The following MAGI2 variants were observed in gnomAD, a reference collection of about 807,000 sequenced individuals.
The protein encoded by MAGI2 is membrane associated guanylate kinase, WW and PDZ domain containing 2.
MAGI2 carries 35 observed loss-of-function variants against 133.3 expected under a neutral mutation model. That is an observed-to-expected ratio of 0.26 (90% CI 0.20 to 0.35). The LOEUF (loss-of-function observed/expected upper bound fraction) is 0.35, where lower values mean the gene tolerates loss of function less well. Among genes scored for constraint, MAGI2 ranks in the 10% least tolerant of loss-of-function variants. The pLI, the probability that MAGI2 is intolerant of heterozygous loss-of-function variation, is 1.00. For synonymous variants in MAGI2, 729 were observed against 710.6 expected (o/e 1.03, Z -0.41); for missense variants, 1,636 against 1,863.4 (o/e 0.88, Z 2.25).
chr7:78,089,305 T>G (rs740029), intron 20 of MAGI2, among the ~76,000 whole-genome samples: 111,318 of 152,116 alleles, frequency 0.73, 40,750 homozygotes, highest in East Asian at 0.78. Flanking sequence ...AAGGCAAGAG[T>G]GTTTGGGTGA....
chr7:78,853,306 G>T (rs996478353), intron 2 of MAGI2, among the ~76,000 whole-genome samples: 1 of 121,568 alleles, frequency 8.2e-6, no homozygotes, highest in Non-Finnish European at 1.6e-5. Context: ...TAAGAATAAC[G>T]CTCATATTAC....
At chr7:78,852,352 A>T (rs1001288188) in intron 2 of MAGI2, among the ~76,000 whole-genome samples, 1 of 151,982 alleles carries the variant, frequency 6.6e-6, no homozygotes. Context: ...CAGTTTTCTC[A>T]TGATTTTTTT....
intron 1 of MAGI2, among the ~76,000 whole-genome samples, chr7:79,437,318 C>A (rs1268212012): frequency 6.6e-6 from 1 of 151,914 alleles, no homozygotes; most frequent in South Asian, 2.1e-4. Context: ...TGTAACAAAC[C>A]TGTAGCAGAA....
chr7:78,209,325 G>T (rs10264610), intron 10 of MAGI2, among the ~76,000 whole-genome samples: 20,089 of 135,564 alleles, frequency 0.15, 2,313 homozygotes, highest in African/African-American at 0.3. Context: ...GCAGTGGCGC[G>T]ATCTCGGCTC....
chr7:79,212,640 C>A (rs986310894), intron 1 of MAGI2, among the ~76,000 whole-genome samples: 1 of 152,090 alleles, frequency 6.6e-6, no homozygotes, highest in African/African-American at 2.4e-5. Context: ...TCTCTTCTTA[C>A]AGGGCCACCT....
At chr7:78,344,610 T>C (rs964764166) in intron 8 of MAGI2, among the ~76,000 whole-genome samples, 2 of 152,174 alleles carry the variant, frequency 1.3e-5, no homozygotes, top group African/African-American at 2.4e-5. Flanking sequence ...ACTATAAAGA[T>C]AACCAGATAA....
chr7:78,582,980 C>T (rs1165908087), intron 3 of MAGI2, among the ~76,000 whole-genome samples: 1 of 152,174 alleles, frequency 6.6e-6, no homozygotes, highest in Non-Finnish European at 1.5e-5. Flanking sequence ...AAATTAGTTG[C>T]TGCTTACCTT....
At chr7:79,266,184 T>C (rs1834442015) in intron 1 of MAGI2, among the ~76,000 whole-genome samples, 1 of 151,748 alleles carries the variant, frequency 6.6e-6, no homozygotes, top group South Asian at 2.1e-4. Context: ...CCCCATATGG[T>C]GCACAGTGGA....
intron 7 of MAGI2, among the ~76,000 whole-genome samples, chr7:78,362,345 T>C (rs1354413657): frequency 6.6e-6 from 1 of 152,082 alleles, no homozygotes; most frequent in African/African-American, 2.4e-5. Context: ...GACTCTGTCA[T>C]GCAAAGTAAA....
chr7:79,047,552 C>T (rs1812294762), intron 1 of MAGI2, among the ~76,000 whole-genome samples: 1 of 151,934 alleles, frequency 6.6e-6, no homozygotes. Context: ...TAACATACAA[C>T]ATTCTTTTAT....
intron 6 of MAGI2, among the ~76,000 whole-genome samples, chr7:78,456,142 A>G (rs1246280767): frequency 6.6e-6 from 1 of 151,714 alleles, no homozygotes; most frequent in African/African-American, 2.4e-5. Flanking sequence ...ACAAGCCAGG[A>G]GTCATAGTTC....
intron 2 of MAGI2, among the ~76,000 whole-genome samples, chr7:78,970,950 G>T (rs768600037): frequency 2.0e-5 from 3 of 152,006 alleles, no homozygotes; most frequent in Non-Finnish European, 2.9e-5. Flanking sequence ...TTCCATCAGC[G>T]CAGGGAAGCC....
At chr7:78,572,678 T>C (rs1377840956) in intron 3 of MAGI2, among the ~76,000 whole-genome samples, 5 of 150,712 alleles carry the variant, frequency 3.3e-5, no homozygotes, top group Non-Finnish European at 7.4e-5. Flanking sequence ...TTATTTATTT[T>C]TGAGACAGAG....
chr7:79,176,162 G>T (rs541300058), intron 1 of MAGI2, among the ~76,000 whole-genome samples: 1 of 151,974 alleles, frequency 6.6e-6, no homozygotes, highest in South Asian at 2.1e-4. Context: ...TATTGCATAT[G>T]CATGTGGTGG....
chr7:78,990,092 T>C (rs1805618070), intron 2 of MAGI2, among the ~76,000 whole-genome samples: 1 of 152,056 alleles, frequency 6.6e-6, no homozygotes, highest in Admixed American at 6.6e-5. Flanking sequence ...AACATTTACT[T>C]TCTGCAAGGC....
At chr7:79,428,781 C>T (rs906832170) in intron 1 of MAGI2, among the ~76,000 whole-genome samples, 1 of 152,018 alleles carries the variant, frequency 6.6e-6, no homozygotes, top group Admixed American at 6.5e-5. Flanking sequence ...TGACAAATCG[C>T]CTGAGTTAAT....
At chr7:78,406,279 G>C (rs1391944719) in intron 6 of MAGI2, among the ~76,000 whole-genome samples, 2 of 151,980 alleles carry the variant, frequency 1.3e-5, no homozygotes, top group African/African-American at 2.4e-5. Context: ...ACAGATGGTA[G>C]TAACTTGCTT....
chr7:78,558,009 GT>G, intron 3 of MAGI2, among the ~76,000 whole-genome samples: 1 of 151,550 alleles, frequency 6.6e-6, no homozygotes, highest in Admixed American at 6.6e-5. Flanking sequence ...GATTGTGTAT[GT>G]GACTAAATTC....
chr7:79,319,613 A>C (rs991641828), intron 1 of MAGI2, among the ~76,000 whole-genome samples: 5 of 152,178 alleles, frequency 3.3e-5, no homozygotes, highest in African/African-American at 1.2e-4. Context: ...AGCCCAAGCT[A>C]AGAATGACAA....
Sources: allele counts gnomAD v4.1 joint callset (sites outside exome capture counted in the v4.1 genomes callset), GRCh38; gene constraint gnomAD v4.1.1; transcripts MANE v1.5; gene names NCBI Gene and HGNC (gene_info 2026-07-23, HGNC 2026-07-21).